SBF2: variants seen among roughly 807,000 people sequenced by gnomAD.
SBF2 encodes SET binding factor 2.
SBF2 carries 112 observed loss-of-function variants against 225.2 expected under a neutral mutation model. The observed-to-expected ratio is 0.50, with a 90% CI of 0.43 to 0.58. The LOEUF is 0.58. Among genes scored for constraint, SBF2 ranks in the 20% least tolerant of loss-of-function variants. The pLI is 0.00. For missense variants in SBF2, 1,996 were observed against 2,206.2 expected (o/e 0.90, Z 1.91); for synonymous variants, 763 against 773.3 (o/e 0.99, Z 0.22).
chr11:9,845,403 G>A (rs1229335613), intron 24 of SBF2, among the ~76,000 whole-genome samples, 162 bp downstream of exon 24: 1 of 152,164 alleles, frequency 6.6e-6, no homozygotes, highest in Non-Finnish European at 1.5e-5. Flanking sequence ...ATTTATCAAT[G>A]CTGCTGTTCC....
At chr11:10,178,092 A>G (rs1362269457) in intron 2 of SBF2, among the ~76,000 whole-genome samples, 1 of 147,240 alleles carries the variant, frequency 6.8e-6, no homozygotes, top group Non-Finnish European at 1.5e-5. Context: ...AGCAATGGGG[A>G]AAGGATTCTC....
chr11:10,028,302 G>T (rs1434348515), intron 6 of SBF2, 150 bp downstream of exon 6: 5 of 621,986 alleles, frequency 8.0e-6, no homozygotes, highest in Non-Finnish European at 1.4e-5. Flanking sequence ...GTAAGATCAG[G>T]ACCCACAAAA....
At chr11:9,957,058 T>C (rs2134344797) in intron 16 of SBF2, 1 of 152,336 alleles carries the variant, frequency 6.6e-6, no homozygotes, top group Admixed American at 6.5e-5. Context: ...CCTGCTTTAG[T>C]GACATGTTAT....
intron 2 of SBF2, among the ~76,000 whole-genome samples, chr11:10,055,464 T>C (rs1056811388): frequency 1.4e-5 from 2 of 147,434 alleles, no homozygotes; most frequent in African/African-American, 2.5e-5. Flanking sequence ...CAATTCACAA[T>C]TGCAAAGATA....
At chr11:10,170,424 A>C (rs1956138887) in intron 2 of SBF2, among the ~76,000 whole-genome samples, 1 of 152,024 alleles carries the variant, frequency 6.6e-6, no homozygotes, top group East Asian at 1.9e-4. Flanking sequence ...TTTTTCAGAA[A>C]TGAGTTCCCT....
chr11:10,019,123 C>T (rs537660720), intron 6 of SBF2, among the ~76,000 whole-genome samples: 1 of 152,142 alleles, frequency 6.6e-6, no homozygotes, highest in South Asian at 2.1e-4. Flanking sequence ...TCTTTATATC[C>T]CCAGTGACTA....
At chr11:10,090,764 CAAAAAA>C (rs201577494) in intron 2 of SBF2, among the ~76,000 whole-genome samples, 464 of 44,418 alleles carry the variant, frequency 0.01, 5 homozygotes, top group African/African-American at 0.039. Flanking sequence ...GATTCCATCT[CAAAAAA>C]AAAAAAAAAA....
intron 2 of SBF2, among the ~76,000 whole-genome samples, chr11:10,187,410 T>C (rs1344125835): frequency 6.6e-6 from 1 of 152,002 alleles, no homozygotes; most frequent in Non-Finnish European, 1.5e-5. Context: ...CTTTTACAAC[T>C]TTTCCCAGGA....
intron 16 of SBF2, among the ~76,000 whole-genome samples, chr11:9,911,291 T>C (rs1044835905): frequency 6.7e-6 from 1 of 149,664 alleles, no homozygotes; most frequent in Non-Finnish European, 1.5e-5. Context: ...TACTTGAACC[T>C]GGGAGGTGGA....
Position 10,108,403 on chromosome 11 carries a change from T to C in SBF2, c.142-65422A>G, listed in dbSNP as rs80126111. ...TGAAGCACTAATTCAGAGTTCCCTG[T>C]GTTAACTATGAAGTGGTATTTATAG... On this transcript the variant is annotated intron_variant, in intron 2 of 39. Coordinates refer to ENST00000256190, the MANE Select transcript of SBF2 (RefSeq NM_030962.4). Among the ~76,000 whole-genome samples, 1,325 of 152,214 alleles carry C rather than the reference T, an allele frequency of 8.7e-3. 18 individuals are homozygous for C. The highest frequency in any genetic ancestry group is 0.03 in the African/African-American group (1,239 of 41,524).
intron 1 of SBF2, among the ~76,000 whole-genome samples, chr11:10,241,943 A>G (rs866660749): frequency 1.3e-5 from 2 of 151,898 alleles, no homozygotes; most frequent in Non-Finnish European, 1.5e-5. Flanking sequence ...TCCTAGCACC[A>G]GGCCTGTCCA....
chr11:10,154,214 T>C (rs112350332), intron 2 of SBF2, among the ~76,000 whole-genome samples: 3 of 152,148 alleles, frequency 2.0e-5, no homozygotes, highest in Non-Finnish European at 2.9e-5. Flanking sequence ...TATACAAAAA[T>C]AATTTTTGTA....
chr11:9,887,035 T>C (rs1460621608), intron 17 of SBF2, among the ~76,000 whole-genome samples: 3 of 152,152 alleles, frequency 2.0e-5, no homozygotes, highest in Non-Finnish European at 4.4e-5. Flanking sequence ...TGAACTGTAC[T>C]ATATTTCTTT....
chr11:10,170,406 T>C (rs1361931856), intron 2 of SBF2, among the ~76,000 whole-genome samples: 1 of 152,124 alleles, frequency 6.6e-6, no homozygotes, highest in African/African-American at 2.4e-5. Context: ...GTGTATGTTC[T>C]TGGCACCTTT....
Position 10,089,049 on chromosome 11 carries a change from G to A in SBF2, c.142-46068C>T, listed in dbSNP as rs573437890. Among the ~76,000 whole-genome samples the A allele has an allele frequency of 1.4e-4, 22 of 152,152 alleles. No homozygotes were observed. In the South Asian group the frequency reaches 4.3e-3, roughly 30 times the overall value. On this transcript the variant is annotated intron_variant, in intron 2 of 39. Transcript: ENST00000256190. ...GGGTCCTGCCCTCCTCCAAAAGACG[G>A]TCTTAAAAAAAATGTATAAACTTAG...
intron 16 of SBF2, chr11:9,957,943 A>G (rs1866288686): frequency 6.6e-6 from 1 of 151,724 alleles, no homozygotes; most frequent in Admixed American, 6.6e-5. Context: ...GACCAAGGGC[A>G]TTCTCCTCCC....
At chr11:9,828,349 G>T (rs1233902688) in intron 28 of SBF2, 1 of 1,169,196 alleles carries the variant, frequency 8.6e-7, no homozygotes, top group Non-Finnish European at 1.1e-6. Context: ...AGTACCCAAA[G>T]CTTTATTAGA....
At position 10,146,520 on chromosome 11, in the gene SBF2, A is replaced by G. The variant is rs531078768; in HGVS notation, c.141+47382T>C. On this transcript the variant is annotated intron_variant, in intron 2 of 39. Coordinates refer to ENST00000256190, the MANE Select transcript of SBF2 (RefSeq NM_030962.4). ...AGTGCTGCAATAACTGGCTAGCCGT[A>G]TGCAGAAAATTGAAACTGGACCCCT... is the stretch of plus-strand genomic sequence containing the variant. Among the ~76,000 whole-genome samples the G allele has an allele frequency of 7.9e-4, 120 of 152,342 alleles. 1 individual carries two copies. The highest frequency in any genetic ancestry group is 1.5e-3 in the Non-Finnish European group (105 of 68,024).
At chr11:9,853,275 T>C (rs1857089235) in intron 20 of SBF2, among the ~76,000 whole-genome samples, 1 of 152,144 alleles carries the variant, frequency 6.6e-6, no homozygotes. Flanking sequence ...GGGTAGAGTG[T>C]TTGGGGTAAT....
Sources: allele counts gnomAD v4.1 joint callset (sites outside exome capture counted in the v4.1 genomes callset), GRCh38; gene constraint gnomAD v4.1.1; transcripts MANE v1.5; gene names NCBI Gene and HGNC (gene_info 2026-07-23, HGNC 2026-07-21).